CADM1: variants seen among roughly 807,000 people sequenced by gnomAD.
CADM1 encodes cell adhesion molecule 1.
A neutral mutation model predicts 53.1 loss-of-function variants in CADM1; 15 were observed. That is an observed-to-expected ratio of 0.28 (90% confidence interval 0.19 to 0.44). The LOEUF (loss-of-function observed/expected upper bound fraction) is 0.44, where lower values mean the gene tolerates loss of function less well. Ranked by LOEUF, CADM1 falls within the 20% of genes least tolerant of loss-of-function variation. The pLI, the probability that CADM1 is intolerant of heterozygous loss-of-function variation, is 1.00. For synonymous variants in CADM1, 281 were observed against 243.0 expected, an observed-to-expected ratio of 1.16 and a Z score of -1.45; for missense variants, 434 against 611.3, an observed-to-expected ratio of 0.71 and a Z score of 3.06.
intron 3 of CADM1, among the ~76,000 whole-genome samples, chr11:115,236,618 GCCAAACTGAT>G (rs1360333959): frequency 6.6e-6 from 1 of 152,122 alleles, no homozygotes; most frequent in Admixed American, 6.5e-5. Context: ...TGTATTCGGA[GCCAAACTGAT>G]CCAAAGCAGT....
chr11:115,394,796 T>C (rs1946951284), intron 1 of CADM1, among the ~76,000 whole-genome samples: 1 of 152,172 alleles, frequency 6.6e-6, no homozygotes, highest in Admixed American at 6.5e-5. Context: ...CTTTGTTTTA[T>C]AGTCTTGATG....
chr11:115,427,929 C>A (rs1329420284), intron 1 of CADM1, among the ~76,000 whole-genome samples: 1 of 147,390 alleles, frequency 6.8e-6, no homozygotes, highest in East Asian at 2.0e-4. Context: ...ATCCTTAAGC[C>A]CATGAGGCGG....
intron 1 of CADM1, among the ~76,000 whole-genome samples, chr11:115,274,633 A>T (rs1176766638): frequency 6.6e-6 from 1 of 152,246 alleles, no homozygotes; most frequent in Non-Finnish European, 1.5e-5. Flanking sequence ...TGGGAGAAAT[A>T]ATCACTAGCT....
intron 8 of CADM1, among the ~76,000 whole-genome samples, chr11:115,204,660 G>T (rs1452809695): frequency 6.6e-6 from 1 of 152,198 alleles, no homozygotes; most frequent in Non-Finnish European, 1.5e-5. Flanking sequence ...TTAAGGACAG[G>T]TGTGCTTCTT....
intron 1 of CADM1, among the ~76,000 whole-genome samples, chr11:115,294,254 G>A (rs1218698285): frequency 6.6e-6 from 1 of 152,044 alleles, no homozygotes; most frequent in Non-Finnish European, 1.5e-5. Context: ...TTTGCCAGAG[G>A]AGGCCTCTGC....
At chr11:115,261,394 G>A (rs1330160359) in intron 1 of CADM1, among the ~76,000 whole-genome samples, 1 of 151,936 alleles carries the variant, frequency 6.6e-6, no homozygotes, top group Non-Finnish European at 1.5e-5. Context: ...TTAACACAGG[G>A]CAATTTCATT....
In CADM1 at chr11:115,173,894, T is replaced by TA; in HGVS notation, c.*2579dup. 2.1e-6 allele frequency: 2 copies of TA among 972,400 alleles called. No homozygotes were observed. The highest frequency in any genetic ancestry group is 2.4e-6 in the Non-Finnish European group (2 of 818,160). The allele number at this position is 972,400 out of a possible 1,614,324, so 60.2% of individuals were successfully genotyped here. ...CATCCTTCATTATTTTATATTCCTTTAAAAAACACAAAAAACAAGTTTGTT... is the reference window on the plus strand; with the variant it reads ...CATCCTTCATTATTTTATATTCCTTTAAAAAAACACAAAAAACAAGTTTGTT... On this transcript the variant is annotated 3_prime_UTR_variant, in exon 12 of 12. Transcript: ENST00000331581.
chr11:115,382,960 T>A (rs1946614799), intron 1 of CADM1, among the ~76,000 whole-genome samples: 1 of 152,210 alleles, frequency 6.6e-6, no homozygotes. Context: ...ACTTTACATG[T>A]ATTCCCAAGG....
At chr11:115,306,555 G>A (rs1944380242) in intron 1 of CADM1, among the ~76,000 whole-genome samples, 2 of 151,976 alleles carry the variant, frequency 1.3e-5, no homozygotes, top group South Asian at 4.1e-4. Flanking sequence ...CATTGGTACA[G>A]AACAGAATCT....
At position 115,193,930 on chromosome 11, in the gene CADM1, C is replaced by G. The variant is rs1940021023; in HGVS notation, c.1112-2989G>C. 4 of 152,340 alleles carry G rather than the reference C, an allele frequency of 2.6e-5. No homozygotes were observed. In the South Asian group the frequency reaches 8.3e-4, roughly 32 times the overall value. 9.4% of individuals were successfully genotyped at this position (152,340 alleles called of 1,614,324 possible). A position where few individuals can be genotyped will look rare whatever the true frequency, so the allele number is the denominator to read the frequency against. On this transcript the variant is annotated intron_variant, in intron 9 of 11. Transcript: ENST00000331581. ...TTCAGACGCCCCCGGGAGTTTTAAT[C>G]TAAAAACTCAGTCATCCTGTTCTTC...
chr11:115,303,025 G>A (rs1330685688), intron 1 of CADM1, among the ~76,000 whole-genome samples: 1 of 152,094 alleles, frequency 6.6e-6, no homozygotes, highest in Non-Finnish European at 1.5e-5. Context: ...AAAGTGCTTT[G>A]ATGAGCAGAG....
At chr11:115,458,642 T>A (rs779371485) in intron 1 of CADM1, among the ~76,000 whole-genome samples, 4 of 151,772 alleles carry the variant, frequency 2.6e-5, no homozygotes, top group Non-Finnish European at 4.4e-5. Flanking sequence ...TTTCCCCCCA[T>A]CCACATTTAG....
chr11:115,262,615 G>A (rs112585821), intron 1 of CADM1, among the ~76,000 whole-genome samples: 12 of 152,140 alleles, frequency 7.9e-5, no homozygotes, highest in Admixed American at 7.9e-4. Flanking sequence ...CAGGCATTGC[G>A]TACCAAGCTC....
intron 8 of CADM1, among the ~76,000 whole-genome samples, chr11:115,199,503 C>G (rs1390697953): frequency 2.0e-5 from 3 of 152,186 alleles, no homozygotes; most frequent in South Asian, 2.1e-4. Flanking sequence ...TGCTCCTGTT[C>G]ACAAGAAATT....
At chr11:115,456,475 AT>A (rs1948686414) in intron 1 of CADM1, among the ~76,000 whole-genome samples, 2 of 152,194 alleles carry the variant, frequency 1.3e-5, no homozygotes, top group Admixed American at 1.3e-4. Context: ...ATTTTATATA[AT>A]TTTATCTTAA....
Position 115,169,816 on chromosome 11 carries a change from C to A in CADM1, c.*6658G>T, listed in dbSNP as rs149015325. On this transcript the variant is annotated 3_prime_UTR_variant, in exon 12 of 12. Transcript: ENST00000331581. Reference sequence around the variant, plus strand: ...TGCCAGCATCCATTGCAGGTTTAAACGATGAAATACACAACTACAGAGAAA... The same window carrying A: ...TGCCAGCATCCATTGCAGGTTTAAAAGATGAAATACACAACTACAGAGAAA... 6.9e-6 allele frequency: 2 copies of A among 287,892 alleles called. No homozygotes were observed. Among genetic ancestry groups the A allele is most frequent in the East Asian group, 8.6e-5 (1 of 11,678 alleles). 17.8% of individuals were successfully genotyped at this position (287,892 alleles called of 1,614,324 possible). A position where few individuals can be genotyped will look rare whatever the true frequency, so the allele number is the denominator to read the frequency against.
chr11:115,284,854 A>G (rs1943689380), intron 1 of CADM1, among the ~76,000 whole-genome samples: 1 of 152,222 alleles, frequency 6.6e-6, no homozygotes, highest in Non-Finnish European at 1.5e-5. Flanking sequence ...CTAAGTGGTT[A>G]ATGCAGGATT....
At chr11:115,224,280 G>A (rs1941517786) in intron 5 of CADM1, among the ~76,000 whole-genome samples, 1 of 146,734 alleles carries the variant, frequency 6.8e-6, no homozygotes, top group Admixed American at 6.7e-5. Flanking sequence ...TCCAGTTGAG[G>A]GAATGAAAGA....
chr11:115,278,383 A>G (rs1943499841), intron 1 of CADM1, among the ~76,000 whole-genome samples: 1 of 152,252 alleles, frequency 6.6e-6, no homozygotes, highest in African/African-American at 2.4e-5. Context: ...TTAGTAGGAT[A>G]GATAAGAAAG....
Sources: gnomAD v4.1 joint callset for allele counts (sites outside exome capture counted in the v4.1 genomes callset) on GRCh38, gnomAD v4.1.1 for gene constraint, MANE v1.5 for transcripts, NCBI Gene and HGNC (gene_info 2026-07-23, HGNC 2026-07-21) for gene names.